DNA2: variants seen among roughly 807,000 people sequenced by gnomAD.
DNA2 encodes the protein DNA replication helicase/nuclease 2.
In DNA2, 101 loss-of-function variants were observed where a neutral mutation model predicts 119.1. That is an observed-to-expected ratio of 0.85 (90% CI 0.72 to 1.00). The LOEUF is 1.00. DNA2 is among the 50% of genes least tolerant of loss of function. The probability of loss-of-function intolerance (pLI) is 0.00; values close to 1 mark genes in which losing one functional copy is unlikely to be tolerated. For missense variants in DNA2, 1,121 were observed against 1,255.5 expected, an observed-to-expected ratio of 0.89 and a Z score of 1.62; for synonymous variants, 366 against 424.4, an observed-to-expected ratio of 0.86 and a Z score of 1.69.
intron 14 of DNA2, among the ~76,000 whole-genome samples, chr10:68,426,755 C>T (rs1050865477): frequency 2.7e-4 from 41 of 151,778 alleles, no homozygotes; most frequent in Admixed American, 6.6e-5. Context: ...AGGAGAATGG[C>T]GTGAACCCGG....
Position 68,417,699 on chromosome 10 carries a change from A to G in DNA2, c.2968-844T>C, listed in dbSNP as rs191862535. On this transcript the variant is annotated intron_variant, in intron 19 of 20. Coordinates refer to ENST00000358410, the MANE Select transcript of DNA2 (RefSeq NM_001080449.3). ...AATCTGAATTGTCTATAAATTTGAA[A>G]GTATACAAGGAAGATTTTATATTAA... 3.3e-4 allele frequency among the ~76,000 whole-genome samples: 51 copies of G among 152,250 alleles called. 2 individuals carry two copies. In the East Asian group the frequency reaches 9.8e-3, roughly 29 times the overall value.
At chr10:68,416,884 A>C (rs1436534093) in intron 19 of DNA2, 29 bp from the exon 20 acceptor site, 1 of 1,586,182 alleles carries the variant, frequency 6.3e-7, no homozygotes, top group East Asian at 2.2e-5. Context: ...TCAATTATTC[A>C]AGTTCAAAGG....
At chr10:68,437,330 C>G in intron 9 of DNA2, 89 bp from the exon 10 acceptor site, 1 of 1,129,256 alleles carries the variant, frequency 8.9e-7, no homozygotes, top group Non-Finnish European at 1.2e-6. Flanking sequence ...ACTTGTTCAT[C>G]TGACTCCTAA....
chr10:68,465,903 A>C, intron 3 of DNA2, 91 bp from the exon 4 acceptor site: 2 of 1,156,842 alleles, frequency 1.7e-6, no homozygotes, highest in Middle Eastern at 4.3e-4. Flanking sequence ...ACCATAGCCA[A>C]AATGCACTGG....
At chr10:68,442,220 AT>A (rs79776225) in intron 9 of DNA2, among the ~76,000 whole-genome samples, 3,628 of 141,024 alleles carry the variant, frequency 0.026, 39 homozygotes, top group Non-Finnish European at 0.035. Flanking sequence ...GACAAAAGTA[AT>A]TTTTTTTTTT....
intron 14 of DNA2, among the ~76,000 whole-genome samples, chr10:68,427,343 G>A (rs569939999): frequency 2.0e-5 from 3 of 150,988 alleles, no homozygotes; most frequent in East Asian, 3.9e-4. Flanking sequence ...GGGCAATAAC[G>A]TGTCAAAAAC....
At chr10:68,417,919 GT>G (rs2051612795) in intron 19 of DNA2, among the ~76,000 whole-genome samples, 1 of 152,182 alleles carries the variant, frequency 6.6e-6, no homozygotes, top group Non-Finnish European at 1.5e-5. Context: ...GATAAATGCT[GT>G]ACGATTCTAC....
chr10:68,471,963 C>A lies in DNA2; in HGVS notation c.-99G>T, dbSNP rs781282941. ...GGGAAAAAGGCGCGAGCCTGCGCAC[C>A]TCGCGCGCATGCGCCAACCCGCAGA... On this transcript the variant is annotated 5_prime_UTR_variant, in exon 1 of 21. The change creates a new upstream start codon in the 5' untranslated region. Coordinates refer to ENST00000358410, the MANE Select transcript of DNA2 (RefSeq NM_001080449.3). The A allele has an allele frequency of 6.2e-7, 1 of 1,612,558 alleles. No homozygotes were observed. Among genetic ancestry groups the A allele is most frequent in the Non-Finnish European group, 8.5e-7 (1 of 1,178,934 alleles).
chr10:68,470,170 C>A lies in DNA2; in HGVS notation c.75-7G>T. 1 of 1,580,626 alleles carries A rather than the reference C, an allele frequency of 6.3e-7. No individual in the cohort carries two copies. Among genetic ancestry groups the A allele is most frequent in the Non-Finnish European group, 8.5e-7 (1 of 1,170,064 alleles). On this transcript the variant is annotated splice_polypyrimidine_tract_variant and splice_region_variant and intron_variant, in intron 1 of 20. Coordinates refer to ENST00000358410, the MANE Select transcript of DNA2 (RefSeq NM_001080449.3). ...TACCACTTTCTTCTGAAATCTAAAG[C>A]ACACACATACAAAACTATTTTAGCA... is the stretch of plus-strand genomic sequence containing the variant.
chr10:68,446,326 GGTACATC>G lies in DNA2; in HGVS notation c.1020_1026del (p.Gln340HisfsTer8). On this transcript the variant is annotated frameshift_variant, in exon 7 of 21. Coordinates refer to ENST00000358410, the MANE Select transcript of DNA2 (RefSeq NM_001080449.3). LOFTEE classifies it high-confidence loss of function. ...TTATCTAGATGGTTGGCAGGCACAG[GGTACATC>G]TGACCAGTCTTGAGGTAGAGAAGCA... 6.3e-7 allele frequency: 1 copy of G among 1,595,398 alleles called. No individual in the cohort carries two copies. Among genetic ancestry groups the G allele is most frequent in the Non-Finnish European group, 8.5e-7 (1 of 1,170,826 alleles).
chr10:68,455,449 A>G (rs1224081421), intron 5 of DNA2, among the ~76,000 whole-genome samples: 1 of 152,166 alleles, frequency 6.6e-6, no homozygotes, highest in African/African-American at 2.4e-5. Context: ...AAAACTAAAC[A>G]ATCTATTCAC....
intron 17 of DNA2, among the ~76,000 whole-genome samples, chr10:68,421,238 A>T (rs1452028284): frequency 6.6e-6 from 1 of 151,800 alleles, no homozygotes; most frequent in African/African-American, 2.4e-5. Flanking sequence ...GCCCGGGTTT[A>T]AAGTCTGTTT....
At chr10:68,459,073 A>T in intron 5 of DNA2, 31 bp downstream of exon 5, 1 of 1,522,750 alleles carries the variant, frequency 6.6e-7, no homozygotes, top group Non-Finnish European at 8.8e-7. Context: ...AAATATGAAG[A>T]CTATATATAT....
intron 2 of DNA2, 27 bp downstream of exon 2, chr10:68,469,954 C>T (rs368924365): frequency 8.9e-6 from 14 of 1,576,694 alleles, no homozygotes; most frequent in Middle Eastern, 1.7e-4. Flanking sequence ...AGATTCAAAT[C>T]GGTGCTCAAA....
chr10:68,460,050 C>CAT lies in DNA2; in HGVS notation c.588-816_588-815insAT, dbSNP rs1396899943. ...ACAAATACACACACACACACACACACACACACACACATACAAGTTAACATG... is the reference window on the plus strand; with the variant it reads ...ACAAATACACACACACACACACACACATACACACACACATACAAGTTAACATG... On this transcript the variant is annotated intron_variant, in intron 4 of 20. Coordinates refer to ENST00000358410, the MANE Select transcript of DNA2 (RefSeq NM_001080449.3). Among the ~76,000 whole-genome samples, 3 of 151,268 alleles carry CAT rather than the reference C, an allele frequency of 2.0e-5. No homozygotes were observed. In the East Asian group the frequency reaches 5.8e-4, roughly 29 times the overall value.
rs1380305144 is a variant in DNA2, at chr10:68,471,671, G to GCT, written c.74+118_74+119dup. On this transcript the variant is annotated intron_variant, in intron 1 of 20. Transcript: ENST00000358410. ...CGGAGGCTCGTCGGGTGCCCAGGGA[G>GCT]CTGCACCGGGTCCCTGGGCCCCGGG... 3.2e-6 allele frequency: 4 copies of GCT among 1,255,356 alleles called. No homozygotes were observed. The African/African-American group carries it at 6.1e-5, about 19-fold the overall frequency. 77.8% of individuals were successfully genotyped at this position (1,255,356 alleles called of 1,614,324 possible).
In DNA2 at chr10:68,422,923, C is replaced by T. The variant is rs10998153; in HGVS notation, c.2209-33G>A. On this transcript the variant is annotated intron_variant, in intron 14 of 20. Coordinates refer to ENST00000358410, the MANE Select transcript of DNA2 (RefSeq NM_001080449.3). The stretch of plus-strand genomic sequence containing the variant: ...CAAGGAAAACAGATCAGTTATTTAA[C>T]ATGTAAAAGAAATGTAGTTTTGTTT... The T allele has an allele frequency of 0.051, 73,440 of 1,432,704 alleles. 2,422 individuals are homozygous for T. Among genetic ancestry groups the T allele is most frequent in the African/African-American group, 0.15 (10,620 of 69,064 alleles). 88.7% of individuals were successfully genotyped at this position (1,432,704 alleles called of 1,614,324 possible).
chr10:68,441,198 T>G (rs1380267697), intron 9 of DNA2, among the ~76,000 whole-genome samples: 5 of 151,346 alleles, frequency 3.3e-5, no homozygotes, highest in African/African-American at 1.2e-4. Context: ...AGTTTGGTGG[T>G]GCACACCTAT....
chr10:68,419,723 C>T (rs1200562223), intron 18 of DNA2, 80 bp downstream of exon 18: 4 of 1,068,232 alleles, frequency 3.7e-6, no homozygotes, highest in East Asian at 4.8e-5. Flanking sequence ...AGACTTAATG[C>T]CAGATTGTAA....
Sources: allele counts gnomAD v4.1 joint callset (sites outside exome capture counted in the v4.1 genomes callset), GRCh38; gene constraint gnomAD v4.1.1; transcripts MANE v1.5; gene names NCBI Gene and HGNC (gene_info 2026-07-23, HGNC 2026-07-21).